The following NR3C2 variants were observed in gnomAD, a reference collection of about 807,000 sequenced individuals.
NR3C2 encodes the protein mineralocorticoid receptor.
A neutral mutation model predicts 86.4 loss-of-function variants in NR3C2; 15 were observed. The ratio of observed to expected loss-of-function variants is 0.17; its 90% CI spans 0.12 to 0.27. The LOEUF is 0.27. Among genes scored for constraint, NR3C2 ranks in the 10% least tolerant of loss-of-function variants. The pLI, the probability that NR3C2 is intolerant of heterozygous loss-of-function variation, is 1.00. For synonymous variants in NR3C2, 458 were observed against 450.5 expected (o/e 1.02, Z -0.21); for missense variants, 960 against 1,195.6 (o/e 0.80, Z 2.91).
At chr4:148,386,238 C>T (rs1201756660) in intron 2 of NR3C2, among the ~76,000 whole-genome samples, 2 of 152,188 alleles carry the variant, frequency 1.3e-5, no homozygotes, top group Non-Finnish European at 2.9e-5. Context: ...CAGCTCTGAA[C>T]ATGAAGGTTC....
chr4:148,343,858 T>C (rs1162330915), intron 2 of NR3C2, among the ~76,000 whole-genome samples: 1 of 152,094 alleles, frequency 6.6e-6, no homozygotes, highest in Non-Finnish European at 1.5e-5. Flanking sequence ...TGGGGTTAAA[T>C]TACAACTGCT....
chr4:148,188,436 C>T (rs1463389475), intron 4 of NR3C2, among the ~76,000 whole-genome samples: 1 of 152,046 alleles, frequency 6.6e-6, no homozygotes, highest in African/African-American at 2.4e-5. Flanking sequence ...TTGTAGAGGT[C>T]TTTAGACTCC....
rs188277049 is a variant in NR3C2, at chr4:148,317,648, T to C, written c.1758-57531A>G. 1.0e-3 allele frequency among the ~76,000 whole-genome samples: 158 copies of C among 152,262 alleles called. 1 individual carries two copies. The highest frequency in any genetic ancestry group is 3.5e-3 in the African/African-American group (145 of 41,576). On this transcript the variant is annotated intron_variant, in intron 2 of 8. Coordinates refer to ENST00000358102, the MANE Select transcript of NR3C2 (RefSeq NM_000901.5). ...CCAAAAGATCTCAAAGAAGATGATGTTCAGTTTTAATTTTCCTTGAAAATA... is the reference window on the plus strand; with the variant it reads ...CCAAAAGATCTCAAAGAAGATGATGCTCAGTTTTAATTTTCCTTGAAAATA...
chr4:148,347,890 T>C (rs1745077238), intron 2 of NR3C2, among the ~76,000 whole-genome samples: 2 of 152,144 alleles, frequency 1.3e-5, no homozygotes. Context: ...TTCACACCAA[T>C]TACTTCATTT....
intron 2 of NR3C2, among the ~76,000 whole-genome samples, chr4:148,280,063 A>G (rs913029571): frequency 6.6e-6 from 1 of 152,222 alleles, no homozygotes; most frequent in Non-Finnish European, 1.5e-5. Context: ...ACTGACAAAA[A>G]TATCTTATTT....
At chr4:148,285,533 C>A (rs547400629) in intron 2 of NR3C2, among the ~76,000 whole-genome samples, 174 of 152,172 alleles carry the variant, frequency 1.1e-3, no homozygotes, top group African/African-American at 4.1e-3. Flanking sequence ...ATGGTGAAAC[C>A]CCATCTCTAC....
chr4:148,213,385 A>C (rs1171499884), intron 3 of NR3C2, among the ~76,000 whole-genome samples: 1 of 152,244 alleles, frequency 6.6e-6, no homozygotes, highest in African/African-American at 2.4e-5. Flanking sequence ...TTAAAGTCTA[A>C]GGAATGTCAA....
At chr4:148,210,499 T>TG (rs1357621548) in intron 3 of NR3C2, among the ~76,000 whole-genome samples, 1 of 152,166 alleles carries the variant, frequency 6.6e-6, no homozygotes, top group African/African-American at 2.4e-5. Flanking sequence ...CCACTAATTC[T>TG]GGGTTCCTAA....
Position 148,383,709 on chromosome 4 carries a change from T to C in NR3C2, c.1757+51395A>G, listed in dbSNP as rs1021688604. Among the ~76,000 whole-genome samples, 10 of 152,170 alleles carry C rather than the reference T, an allele frequency of 6.6e-5. No homozygotes were observed. The South Asian group carries it at 1.7e-3, about 25-fold the overall frequency. ...GGCTCACACCTGTAATCCCAGCACT[T>C]TGGGAGGCCGAGGGTGGATCATGAG... On this transcript the variant is annotated intron_variant, in intron 2 of 8. Transcript: ENST00000358102.
intron 2 of NR3C2, among the ~76,000 whole-genome samples, chr4:148,338,676 G>A (rs540847035): frequency 6.6e-6 from 1 of 152,302 alleles, no homozygotes; most frequent in Non-Finnish European, 1.5e-5. Flanking sequence ...TGGGGTGAAT[G>A]CAGTGAACTG....
intron 6 of NR3C2, among the ~76,000 whole-genome samples, chr4:148,143,032 G>C (rs1302641613): frequency 6.6e-6 from 1 of 152,142 alleles, no homozygotes; most frequent in Non-Finnish European, 1.5e-5. Flanking sequence ...GTACACTGTA[G>C]AACCATGAGC....
chr4:148,399,415 A>G (rs1402851677), intron 2 of NR3C2, among the ~76,000 whole-genome samples: 4 of 151,790 alleles, frequency 2.6e-5, no homozygotes, highest in Non-Finnish European at 4.4e-5. Flanking sequence ...TGACATACAT[A>G]TAGTGTATTA....
At chr4:148,116,108 A>G (rs1427604554) in intron 7 of NR3C2, among the ~76,000 whole-genome samples, 1 of 152,240 alleles carries the variant, frequency 6.6e-6, no homozygotes, top group East Asian at 1.9e-4. Flanking sequence ...TTTTCAGTAT[A>G]GATACTTATA....
At chr4:148,218,375 T>C (rs1044810447) in intron 3 of NR3C2, among the ~76,000 whole-genome samples, 4 of 152,200 alleles carry the variant, frequency 2.6e-5, no homozygotes, top group South Asian at 4.1e-4. Flanking sequence ...TGCAAAATCA[T>C]AGGAAATGCT....
intron 2 of NR3C2, among the ~76,000 whole-genome samples, chr4:148,354,758 A>T (rs1370420545): frequency 6.6e-6 from 1 of 152,166 alleles, no homozygotes; most frequent in Non-Finnish European, 1.5e-5. Flanking sequence ...AAATTTCATG[A>T]AATTATTTTT....
intron 3 of NR3C2, among the ~76,000 whole-genome samples, chr4:148,215,750 T>C (rs1045425115): frequency 1.3e-5 from 2 of 151,766 alleles, no homozygotes; most frequent in East Asian, 1.9e-4. Context: ...AGGGGTTAAA[T>C]AGTAAATATT....
chr4:148,279,076 T>C (rs1741107876), intron 2 of NR3C2, among the ~76,000 whole-genome samples: 1 of 152,098 alleles, frequency 6.6e-6, no homozygotes, highest in Non-Finnish European at 1.5e-5. Flanking sequence ...GGCAGGAGAA[T>C]TGCTTGAACT....
At position 148,261,423 on chromosome 4, in the gene NR3C2, TAAGCGCTATG is replaced by T. The variant is rs1348301085; in HGVS notation, c.1758-1316_1758-1307del. On this transcript the variant is annotated intron_variant, in intron 2 of 8. Transcript: ENST00000358102. The stretch of plus-strand genomic sequence containing the variant: ...TGGTCAGTGCTATGGTGCGCTATGG[TAAGCGCTATG>T]GTGCGCTACGGTCAGTGCTATGGTG... Among the ~76,000 whole-genome samples, 12 of 151,812 alleles carry T rather than the reference TAAGCGCTATG, an allele frequency of 7.9e-5. 1 individual carries two copies. In the East Asian group the frequency reaches 2.3e-3, roughly 29 times the overall value.
intron 4 of NR3C2, among the ~76,000 whole-genome samples, chr4:148,187,351 A>T (rs553406398): frequency 2.0e-5 from 3 of 152,048 alleles, no homozygotes; most frequent in African/African-American, 7.2e-5. Flanking sequence ...TGTTTACCGC[A>T]TCTATGCCAA....
Sources: allele counts gnomAD v4.1 joint callset (sites outside exome capture counted in the v4.1 genomes callset), GRCh38; gene constraint gnomAD v4.1.1; transcripts MANE v1.5; gene names NCBI Gene and HGNC (gene_info 2026-07-23, HGNC 2026-07-21).